The following ANKRD55 variants were observed in gnomAD, a reference collection of about 807,000 sequenced individuals.
ANKRD55 encodes the protein ankyrin repeat domain-containing protein 55.
ANKRD55 carries 41 observed loss-of-function variants against 60.6 expected under a neutral mutation model. That is an observed-to-expected ratio of 0.68 (90% CI 0.53 to 0.88). The LOEUF (loss-of-function observed/expected upper bound fraction) is 0.88. Among genes scored for constraint, ANKRD55 ranks in the 40% least tolerant of loss-of-function variants. ANKRD55 has a pLI of 0.00. For missense variants in ANKRD55, 732 were observed against 767.6 expected (o/e 0.95, Z 0.55); for synonymous variants, 264 against 290.3 (o/e 0.91, Z 0.92).
chr5:56,215,567 C>T (rs12652011), intron 2 of ANKRD55, among the ~76,000 whole-genome samples: 14,641 of 152,230 alleles, frequency 0.096, 1,241 homozygotes, highest in African/African-American at 0.23. Flanking sequence ...TTTTCCTTCT[C>T]GTGCTAGGTG....
chr5:56,100,623 G>C (rs977268647), intron 11 of ANKRD55, among the ~76,000 whole-genome samples: 1 of 152,134 alleles, frequency 6.6e-6, no homozygotes, highest in Non-Finnish European at 1.5e-5. Context: ...TGCTCACAAG[G>C]TTCTAAAGAA....
chr5:56,228,030 G>T (rs1306647428), intron 2 of ANKRD55, among the ~76,000 whole-genome samples: 1 of 152,170 alleles, frequency 6.6e-6, no homozygotes, highest in African/African-American at 2.4e-5. Flanking sequence ...TCACAGTGTT[G>T]CGTGCTTTCT....
At chr5:56,116,226 C>T (rs1386909208) in intron 9 of ANKRD55, among the ~76,000 whole-genome samples, 4 of 151,776 alleles carry the variant, frequency 2.6e-5, no homozygotes, top group Non-Finnish European at 5.9e-5. Context: ...ATCTGGGGGC[C>T]CTTAATAATT....
At chr5:56,134,977 C>T (rs1757520901) in intron 7 of ANKRD55, among the ~76,000 whole-genome samples, 1 of 152,176 alleles carries the variant, frequency 6.6e-6, no homozygotes, top group South Asian at 2.1e-4. Context: ...TCAACCACAT[C>T]AGCAGGCTAA....
intron 10 of ANKRD55, chr5:56,108,409 T>A (rs1756562662): frequency 6.6e-6 from 1 of 152,202 alleles, no homozygotes; most frequent in Non-Finnish European, 1.5e-5. Context: ...TGTCAAAAGG[T>A]GGCAGACCAC....
chr5:56,193,091 C>T, intron 2 of ANKRD55: 1 of 724,724 alleles, frequency 1.4e-6, no homozygotes. Context: ...TTTGAGATGG[C>T]TTCTTTCAAA....
In ANKRD55 at chr5:56,135,277, TC is replaced by T. The variant is rs1561263863; in HGVS notation, c.613-8172del. Among the ~76,000 whole-genome samples, 236 of 99,356 alleles carry T rather than the reference TC, an allele frequency of 2.4e-3. 5 individuals carry two copies. The highest frequency in any genetic ancestry group is 0.012 in the Admixed American group (125 of 10,196). The allele number at this position is 99,356 out of a possible 152,430, so 65.2% of individuals were successfully genotyped here. ...TTCCTTCCTTCTTTCCCTCCCTCCC[TC>T]CCTGCCTGCCTGCTTGCTTTCTTTC... On this transcript the variant is annotated intron_variant, in intron 7 of 11. Coordinates refer to ENST00000341048, the MANE Select transcript of ANKRD55 (RefSeq NM_024669.3).
intron 2 of ANKRD55, among the ~76,000 whole-genome samples, chr5:56,216,764 G>A (rs1361116196): frequency 6.6e-6 from 1 of 152,176 alleles, no homozygotes; most frequent in Non-Finnish European, 1.5e-5. Context: ...TGAGGAAGAT[G>A]AAAAATAAAA....
intron 3 of ANKRD55, among the ~76,000 whole-genome samples, chr5:56,182,539 T>A (rs1758873215): frequency 6.6e-6 from 1 of 152,238 alleles, no homozygotes; most frequent in African/African-American, 2.4e-5. Context: ...ACGGTTATTT[T>A]AAAATCTTTG....
chr5:56,193,368 A>G, intron 2 of ANKRD55: 1 of 738,656 alleles, frequency 1.4e-6, no homozygotes, highest in Non-Finnish European at 2.3e-6. Context: ...TCAGAACACC[A>G]TTTAATAAAG....
At chr5:56,123,794 C>G (rs1299991255) in intron 8 of ANKRD55, among the ~76,000 whole-genome samples, 2 of 152,108 alleles carry the variant, frequency 1.3e-5, no homozygotes, top group East Asian at 1.9e-4. Flanking sequence ...TATAGATAAT[C>G]TCTAATATAC....
chr5:56,153,577 C>T (rs930730468), intron 6 of ANKRD55, among the ~76,000 whole-genome samples: 2 of 152,158 alleles, frequency 1.3e-5, no homozygotes, highest in South Asian at 2.1e-4. Flanking sequence ...CCGTGGCTCA[C>T]GCCTGTAATC....
intron 2 of ANKRD55, among the ~76,000 whole-genome samples, chr5:56,207,790 C>T (rs1759550046): frequency 6.6e-6 from 1 of 152,146 alleles, no homozygotes; most frequent in South Asian, 2.1e-4. Context: ...ATGTGAAGGC[C>T]TAGGACATTA....
intron 6 of ANKRD55, among the ~76,000 whole-genome samples, chr5:56,159,253 C>A (rs309635): frequency 6.6e-6 from 1 of 151,946 alleles, no homozygotes; most frequent in African/African-American, 2.4e-5. Flanking sequence ...CCTGAGGTCG[C>A]GAGTTTGAGA....
At chr5:56,222,960 C>T in intron 2 of ANKRD55, among the ~76,000 whole-genome samples, 1 of 152,144 alleles carries the variant, frequency 6.6e-6, no homozygotes. Context: ...CGTCCCCAAC[C>T]TAGGAAGGCA....
At chr5:56,169,085 C>A (rs1440492985) in intron 5 of ANKRD55, among the ~76,000 whole-genome samples, 2 of 152,124 alleles carry the variant, frequency 1.3e-5, no homozygotes, top group Non-Finnish European at 2.9e-5. Flanking sequence ...TTGAACTCCT[C>A]ACCTCAGGTT....
At chr5:56,183,698 C>T (rs1224846219) in intron 2 of ANKRD55, 64 bp from the exon 3 acceptor site, 2 of 1,587,894 alleles carry the variant, frequency 1.3e-6, no homozygotes, top group African/African-American at 1.3e-5. Flanking sequence ...AATAACAATA[C>T]CCAAGTCGTC....
At chr5:56,165,822 G>A (rs560835105) in intron 5 of ANKRD55, among the ~76,000 whole-genome samples, 1 of 152,168 alleles carries the variant, frequency 6.6e-6, no homozygotes, top group South Asian at 2.1e-4. Context: ...CCAGCTACTC[G>A]GGAGGCTGAG....
intron 7 of ANKRD55, among the ~76,000 whole-genome samples, chr5:56,138,483 C>T (rs369999647): frequency 5.3e-4 from 80 of 152,270 alleles, no homozygotes; most frequent in Middle Eastern, 6.8e-3. Context: ...AGCAACTGTG[C>T]TCCTTGATAT....
Sources: allele counts gnomAD v4.1 joint callset (sites outside exome capture counted in the v4.1 genomes callset), GRCh38; gene constraint gnomAD v4.1.1; transcripts MANE v1.5; gene names NCBI Gene and HGNC (gene_info 2026-07-23, HGNC 2026-07-21).